PLA2G4A: variants seen among roughly 807,000 people sequenced by gnomAD.
PLA2G4A encodes the protein phospholipase A2 group IVA.
A neutral mutation model predicts 81.9 loss-of-function variants in PLA2G4A; 40 were observed. That is an observed-to-expected ratio of 0.49 (90% CI 0.38 to 0.64). The LOEUF is 0.64. Ranked by LOEUF, PLA2G4A falls within the 30% of genes least tolerant of loss-of-function variation. The probability of loss-of-function intolerance (pLI) is 0.00; values close to 1 mark genes in which losing one functional copy is unlikely to be tolerated. For synonymous variants in PLA2G4A, 302 were observed against 296.9 expected (o/e 1.02, Z -0.18); for missense variants, 715 against 905.1 (o/e 0.79, Z 2.69).
At chr1:186,975,467 A>C (rs2102292373) in intron 15 of PLA2G4A, among the ~76,000 whole-genome samples, 1 of 152,326 alleles carries the variant, frequency 6.6e-6, no homozygotes. Flanking sequence ...TCTGAATGTA[A>C]GCCTGTATGA....
intron 1 of PLA2G4A, among the ~76,000 whole-genome samples, chr1:186,842,627 A>G (rs1051398026): frequency 3.9e-5 from 6 of 152,154 alleles, no homozygotes; most frequent in African/African-American, 1.4e-4. Flanking sequence ...TCCTTAAAAG[A>G]AGAGGGAATT....
intron 12 of PLA2G4A, among the ~76,000 whole-genome samples, chr1:186,949,936 T>C (rs151050110): frequency 1.3e-5 from 2 of 152,100 alleles, no homozygotes; most frequent in African/African-American, 4.8e-5. Flanking sequence ...CTCAGGAGGC[T>C]AAGGTGGAAC....
At chr1:186,958,153 T>C (rs1423321626) in intron 14 of PLA2G4A, among the ~76,000 whole-genome samples, 1 of 152,084 alleles carries the variant, frequency 6.6e-6, no homozygotes, top group East Asian at 1.9e-4. Flanking sequence ...AAACTCATTA[T>C]ATTTTGTGTT....
At chr1:186,904,895 C>T (rs1654679606) in intron 5 of PLA2G4A, among the ~76,000 whole-genome samples, 1 of 151,918 alleles carries the variant, frequency 6.6e-6, no homozygotes, top group South Asian at 2.1e-4. Context: ...ACTCTTGTTG[C>T]CTAGGCTGGA....
intron 3 of PLA2G4A, among the ~76,000 whole-genome samples, chr1:186,872,444 C>G (rs1291881255): frequency 6.6e-6 from 1 of 152,022 alleles, no homozygotes; most frequent in Admixed American, 6.6e-5. Context: ...GTCAGGCATG[C>G]AAAAGACAGA....
chr1:186,950,872 G>T, intron 13 of PLA2G4A, 144 bp downstream of exon 13: 1 of 668,860 alleles, frequency 1.5e-6, no homozygotes, highest in Non-Finnish European at 2.8e-6. Context: ...TTGAGAGAGA[G>T]GATTGCATGT....
intron 1 of PLA2G4A, among the ~76,000 whole-genome samples, chr1:186,843,236 G>A (rs888158344): frequency 8.6e-5 from 13 of 151,898 alleles, no homozygotes; most frequent in African/African-American, 1.7e-4. Flanking sequence ...AAAGTATCTT[G>A]TACTTGGGAA....
At chr1:186,962,476 A>G (rs1656983676) in intron 14 of PLA2G4A, among the ~76,000 whole-genome samples, 1 of 135,594 alleles carries the variant, frequency 7.4e-6, no homozygotes, top group African/African-American at 3.3e-5. Flanking sequence ...TATACTTTGT[A>G]GTTATTTTAT....
At chr1:186,884,648 A>G (rs1653864284) in intron 3 of PLA2G4A, among the ~76,000 whole-genome samples, 1 of 152,090 alleles carries the variant, frequency 6.6e-6, no homozygotes, top group Non-Finnish European at 1.5e-5. Flanking sequence ...GAGCCAAGGC[A>G]GATGAATTGT....
chr1:186,922,929 ATT>A (rs1416805624), intron 7 of PLA2G4A, among the ~76,000 whole-genome samples: 1 of 152,142 alleles, frequency 6.6e-6, no homozygotes, highest in Admixed American at 6.6e-5. Flanking sequence ...TAGGACAGGG[ATT>A]TTCACAGTGC....
Position 186,988,594 on chromosome 1 carries a change from AG to A in PLA2G4A, c.*87del. On this transcript the variant is annotated 3_prime_UTR_variant, in exon 18 of 18. Coordinates refer to ENST00000367466, the MANE Select transcript of PLA2G4A (RefSeq NM_024420.3). ...CTGGATTTAAAAGTACAGTACAGAT[AG>A]TCGTACTGATCATGAGAGACTGGCT... 5 of 1,163,564 alleles carry A rather than the reference AG, an allele frequency of 4.3e-6. No individual in the cohort carries two copies. Among genetic ancestry groups the A allele is most frequent in the Non-Finnish European group, 5.1e-6 (4 of 779,214 alleles). 72.1% of individuals were successfully genotyped at this position (1,163,564 alleles called of 1,614,324 possible).
chr1:186,969,004 G>T (rs980208405), intron 15 of PLA2G4A, among the ~76,000 whole-genome samples: 19 of 151,856 alleles, frequency 1.3e-4, no homozygotes, highest in African/African-American at 4.3e-4. Context: ...ATTATATATT[G>T]ATGTTTTTAA....
chr1:186,988,632 T>C lies in PLA2G4A; in HGVS notation c.*124T>C, dbSNP rs1657971862. On this transcript the variant is annotated 3_prime_UTR_variant, in exon 18 of 18. Coordinates refer to ENST00000367466, the MANE Select transcript of PLA2G4A (RefSeq NM_024420.3). ...ATGAGAGACTGGCTGATACTCAAAGTTGCAGTTACTTAGCTGCATGAGAAT... is the reference window on the plus strand; with the variant it reads ...ATGAGAGACTGGCTGATACTCAAAGCTGCAGTTACTTAGCTGCATGAGAAT... 1.2e-6 allele frequency: 1 copy of C among 824,810 alleles called. No homozygotes were observed. The highest frequency in any genetic ancestry group is 1.4e-5 in the South Asian group (1 of 73,850). The allele number at this position is 824,810 out of a possible 1,614,324, so 51.1% of individuals were successfully genotyped here.
intron 9 of PLA2G4A, 51 bp from the exon 10 acceptor site, chr1:186,939,929 C>A (rs755474991): frequency 1.9e-5 from 16 of 843,902 alleles, no homozygotes; most frequent in Non-Finnish European, 1.7e-5. Flanking sequence ...AGCATTCTTT[C>A]TGTGTCTGTT....
At chr1:186,979,668 T>G (rs984774254) in intron 17 of PLA2G4A, among the ~76,000 whole-genome samples, 196 bp downstream of exon 17, 1 of 152,192 alleles carries the variant, frequency 6.6e-6, no homozygotes, top group African/African-American at 2.4e-5. Context: ...AGGAAACTCA[T>G]TTTATGCTAT....
intron 3 of PLA2G4A, among the ~76,000 whole-genome samples, chr1:186,888,542 T>C (rs528713079): frequency 6.6e-6 from 1 of 152,324 alleles, no homozygotes. Context: ...TGTAATAATC[T>C]GGGTGACTGA....
chr1:186,972,468 G>T (rs6700651), intron 15 of PLA2G4A, among the ~76,000 whole-genome samples: 1 of 152,122 alleles, frequency 6.6e-6, no homozygotes, highest in African/African-American at 2.4e-5. Context: ...TTTGGGTTTT[G>T]TCGGGGAGCA....
chr1:186,945,890 C>T (rs143551460), intron 10 of PLA2G4A, among the ~76,000 whole-genome samples: 2 of 152,232 alleles, frequency 1.3e-5, no homozygotes, highest in African/African-American at 4.8e-5. Context: ...CTCTTCTAAG[C>T]TCCTTACATT....
chr1:186,856,050 C>T (rs1474275940), intron 2 of PLA2G4A, among the ~76,000 whole-genome samples: 1 of 151,704 alleles, frequency 6.6e-6, no homozygotes, highest in Non-Finnish European at 1.5e-5. Flanking sequence ...TTCATTTTGC[C>T]AATTTACACA....
Sources: allele counts gnomAD v4.1 joint callset (sites outside exome capture counted in the v4.1 genomes callset), GRCh38; gene constraint gnomAD v4.1.1; transcripts MANE v1.5; gene names NCBI Gene and HGNC (gene_info 2026-07-23, HGNC 2026-07-21).